The following VPS13D variants were observed in gnomAD, a reference collection of about 807,000 sequenced individuals.
VPS13D encodes vacuolar protein sorting 13 homolog D, also known as intermembrane lipid transfer protein VPS13D.
A neutral mutation model predicts 461.9 loss-of-function variants in VPS13D; 187 were observed. The observed-to-expected ratio is 0.40, with a 90% confidence interval of 0.36 to 0.46. The LOEUF is 0.46. VPS13D is among the 20% of genes least tolerant of loss of function. VPS13D has a pLI of 0.60. For synonymous variants in VPS13D, 1,951 were observed against 1,986.3 expected (o/e 0.98, Z 0.47); for missense variants, 4,711 against 5,364.9 (o/e 0.88, Z 3.81).
At chr1:12,421,706 C>T (rs758363333) in intron 65 of VPS13D, among the ~76,000 whole-genome samples, 11 of 152,156 alleles carry the variant, frequency 7.2e-5, no homozygotes, top group Admixed American at 6.5e-4. Context: ...TGCTCTGCAC[C>T]GTTGTTATCT....
At chr1:12,325,765 T>C (rs537435456) in intron 35 of VPS13D, among the ~76,000 whole-genome samples, 11 of 152,220 alleles carry the variant, frequency 7.2e-5, no homozygotes, top group Non-Finnish European at 1.2e-4. Flanking sequence ...TTATCAATAC[T>C]GATCTTTTTA....
intron 9 of VPS13D, among the ~76,000 whole-genome samples, chr1:12,257,425 T>C (rs192865853): frequency 1.3e-5 from 2 of 152,358 alleles, no homozygotes; most frequent in Admixed American, 1.3e-4. Context: ...CTGTGTTTTT[T>C]CTCCCAGGTT....
At position 12,314,020 on chromosome 1, in the gene VPS13D, A is replaced by G. The variant is rs185091587; in HGVS notation, c.6936-95A>G. 405 of 1,030,560 alleles carry G rather than the reference A, an allele frequency of 3.9e-4. 2 individuals are homozygous for G. The African/African-American group carries it at 4.7e-3, about 12-fold the overall frequency. 63.8% of individuals were successfully genotyped at this position (1,030,560 alleles called of 1,614,324 possible). ...TATTCTCCTTATGGGACTTAGATAT[A>G]TTTTTGATTTTGCTCGTTATCTCGA... On this transcript the variant is annotated intron_variant, in intron 29 of 69. Coordinates refer to ENST00000620676, the MANE Select transcript of VPS13D (RefSeq NM_015378.4).
At chr1:12,481,160 C>A (rs927453611) in intron 67 of VPS13D, among the ~76,000 whole-genome samples, 1 of 150,040 alleles carries the variant, frequency 6.7e-6, no homozygotes, top group African/African-American at 2.5e-5. Context: ...CTGCATTGGC[C>A]GACTCCTGGC....
Position 12,278,033 on chromosome 1 carries a change from G to A in VPS13D, c.4445G>A (p.Gly1482Asp), listed in dbSNP as rs142812361. 7 of 1,610,372 alleles carry A rather than the reference G, an allele frequency of 4.3e-6. No individual in the cohort carries two copies. The highest frequency in any genetic ancestry group is 5.1e-6 in the Non-Finnish European group (6 of 1,177,890). ...GATTTCTTTGAATCTTTGCATAGAGGTCAAGGTGAGGAGCATCAGTCTTTT... is the reference window on the plus strand; with the variant it reads ...GATTTCTTTGAATCTTTGCATAGAGATCAAGGTGAGGAGCATCAGTCTTTT... ...RHDFFESLHR[G>D]QAFHILNNTT... Residue 1482 changes from glycine (G) to aspartate (D), a missense_variant, in exon 19 of 70, where the codon GGT becomes GAT. By Grantham distance (94) the Gly-to-Asp change is moderately conservative (BLOSUM62 -1). Transcript: ENST00000620676.
At chr1:12,330,508 G>T (rs1434693827) in intron 37 of VPS13D, among the ~76,000 whole-genome samples, 1 of 152,138 alleles carries the variant, frequency 6.6e-6, no homozygotes, top group Non-Finnish European at 1.5e-5. Flanking sequence ...CAATAGTGAA[G>T]GATCATTTAT....
chr1:12,372,638 A>G (rs1207324789), intron 54 of VPS13D, among the ~76,000 whole-genome samples: 1 of 151,836 alleles, frequency 6.6e-6, no homozygotes, highest in Non-Finnish European at 1.5e-5. Flanking sequence ...TTTTTCTCCC[A>G]TTATTTTTGT....
In VPS13D at chr1:12,482,715, T is replaced by C. The variant is rs544755910; in HGVS notation, c.12663-14785T>C. Among the ~76,000 whole-genome samples, 5 of 149,132 alleles carry C rather than the reference T, an allele frequency of 3.4e-5. No individual in the cohort carries two copies. The East Asian group carries it at 9.9e-4, about 30-fold the overall frequency. ...TAATGGTAACCCCACCAGACATCTC[T>C]ATGGGTATATATGTGTATATACACT... On this transcript the variant is annotated intron_variant, in intron 67 of 69. Coordinates refer to ENST00000620676, the MANE Select transcript of VPS13D (RefSeq NM_015378.4).
chr1:12,399,769 A>G (rs1010456893), intron 60 of VPS13D, among the ~76,000 whole-genome samples: 1 of 150,856 alleles, frequency 6.6e-6, no homozygotes, highest in Non-Finnish European at 1.5e-5. Context: ...CAGTGAGCCA[A>G]GATTCCGCCA....
intron 67 of VPS13D, among the ~76,000 whole-genome samples, chr1:12,482,801 C>CATAGTATACATATATGTATACA (rs570977048): frequency 7.2e-6 from 1 of 139,608 alleles, no homozygotes; most frequent in African/African-American, 2.7e-5. Flanking sequence ...TATATATATA[C>CATAGTATACATATATGTATACA]TAGTATATAT....
intron 67 of VPS13D, among the ~76,000 whole-genome samples, chr1:12,488,037 G>A (rs1438221669): frequency 6.6e-6 from 1 of 152,214 alleles, no homozygotes; most frequent in African/African-American, 2.4e-5. Context: ...TGGGTCAGGT[G>A]AGTGAAAACG....
At chr1:12,371,834 A>G (rs1052588580) in intron 54 of VPS13D, among the ~76,000 whole-genome samples, 2 of 152,194 alleles carry the variant, frequency 1.3e-5, no homozygotes, top group African/African-American at 2.4e-5. Flanking sequence ...TGCTATGAAC[A>G]TGCCTGTACA....
At chr1:12,496,667 C>G (rs747950860) in intron 67 of VPS13D, among the ~76,000 whole-genome samples, 13 of 152,260 alleles carry the variant, frequency 8.5e-5, no homozygotes, top group Non-Finnish European at 1.8e-4. Flanking sequence ...CACAGCCTTT[C>G]CAAGACAAAT....
At chr1:12,414,214 G>A (rs1644767107) in intron 63 of VPS13D, among the ~76,000 whole-genome samples, 1 of 152,010 alleles carries the variant, frequency 6.6e-6, no homozygotes, top group Non-Finnish European at 1.5e-5. Flanking sequence ...AGCCCAGGAG[G>A]TCAAGGCCGC....
At chr1:12,339,034 C>A (rs913170086) in intron 40 of VPS13D, among the ~76,000 whole-genome samples, 1 of 151,904 alleles carries the variant, frequency 6.6e-6, no homozygotes, top group African/African-American at 2.4e-5. Context: ...TAGAAAGAGA[C>A]CACAGGAACT....
Position 12,244,409 on chromosome 1 carries a change from A to T in VPS13D, c.339A>T (p.Leu113=), listed in dbSNP as rs370521005. ...KLLERERKKA[L]LQALEEKWKN... Reference sequence around the variant, plus strand: ...TGGAAAGGGAACGTAAGAAAGCACTACTTCAAGCCCTGGAGGAGAAATGGA... The same window carrying T: ...TGGAAAGGGAACGTAAGAAAGCACTTCTTCAAGCCCTGGAGGAGAAATGGA... Residue 113 remains leucine, a synonymous_variant, in exon 4 of 70, where the codon CTA becomes CTT. Transcript: ENST00000620676. The T allele has an allele frequency of 2.5e-6, 4 of 1,614,074 alleles. No homozygotes were observed. The African/African-American group carries it at 5.3e-5, about 22-fold the overall frequency.
At chr1:12,483,117 T>C (rs1645746601) in intron 67 of VPS13D, among the ~76,000 whole-genome samples, 3 of 152,174 alleles carry the variant, frequency 2.0e-5, no homozygotes, top group Non-Finnish European at 4.4e-5. Flanking sequence ...ACATTGTGAA[T>C]TGCCTTCTAG....
chr1:12,271,037 T>G lies in VPS13D; in HGVS notation c.2016T>G (p.Ala672=). 2 of 1,613,992 alleles carry G rather than the reference T, an allele frequency of 1.2e-6. No individual in the cohort carries two copies. The highest frequency in any genetic ancestry group is 1.7e-6 in the Non-Finnish European group (2 of 1,179,910). The change falls in exon 17 of 70, where the codon GCT becomes GCG. Residue 672 remains alanine, a synonymous_variant. Transcript: ENST00000620676. ...AACTTGAGCTGAGAGTGGCTGAAGC[T>G]GCCCGAAGACAATATAACAAGCTGA... ...QSELELRVAE[A]ARRQYNKLKM...
intron 65 of VPS13D, 80 bp from the exon 66 acceptor site, chr1:12,455,918 T>G (rs1645320563): frequency 6.8e-7 from 1 of 1,474,202 alleles, no homozygotes; most frequent in Admixed American, 2.2e-5. Context: ...GTATTTAATT[T>G]AAATTTATTT....
Sources: allele counts gnomAD v4.1 joint callset (sites outside exome capture counted in the v4.1 genomes callset), GRCh38; gene constraint gnomAD v4.1.1; transcripts MANE v1.5; gene names NCBI Gene and HGNC (gene_info 2026-07-23, HGNC 2026-07-21).